Variants in EFCAB8 observed in about 807,000 individuals in gnomAD.
The protein encoded by EFCAB8 is EF-hand calcium-binding domain-containing protein 8.
A neutral mutation model predicts 116.3 loss-of-function variants in EFCAB8; 100 were observed. The observed-to-expected ratio is 0.86, with a 90% CI of 0.73 to 1.02. The LOEUF (loss-of-function observed/expected upper bound fraction) is 1.02. EFCAB8 is among the 50% of genes least tolerant of loss of function. The pLI, the probability that EFCAB8 is intolerant of heterozygous loss-of-function variation, is 0.00. For synonymous variants in EFCAB8, 558 were observed against 567.9 expected (o/e 0.98, Z 0.25); for missense variants, 1,320 against 1,416.9 (o/e 0.93, Z 1.10).
intron 23 of EFCAB8, among the ~76,000 whole-genome samples, chr20:32,952,552 C>A (rs1988833927): frequency 6.6e-6 from 1 of 152,138 alleles, no homozygotes; most frequent in Non-Finnish European, 1.5e-5. Context: ...TTGTTATTGG[C>A]CACTCATACA....
intron 5 of EFCAB8, among the ~76,000 whole-genome samples, chr20:32,883,488 C>G (rs531821413): frequency 3.3e-5 from 5 of 152,170 alleles, no homozygotes; most frequent in Admixed American, 3.3e-4. Context: ...TGTAGCATGT[C>G]CAGTTCATAT....
chr20:32,887,159 T>C (rs995833896), intron 6 of EFCAB8, among the ~76,000 whole-genome samples: 2 of 152,206 alleles, frequency 1.3e-5, no homozygotes, highest in African/African-American at 4.8e-5. Flanking sequence ...CTGCCTTCCC[T>C]ATCCCTTCTG....
chr20:32,932,100 C>T lies in EFCAB8; in HGVS notation c.2790+764C>T, dbSNP rs576678303. 5.3e-5 allele frequency among the ~76,000 whole-genome samples: 8 copies of T among 152,208 alleles called. No individual in the cohort carries two copies. In the South Asian group the frequency reaches 8.3e-4, roughly 16 times the overall value. On this transcript the variant is annotated intron_variant, in intron 22 of 26. Coordinates refer to ENST00000400522, the MANE Select transcript of EFCAB8 (RefSeq NM_001143967.2). ...TCTAAAAATTTATTCAGTGGTGGGCCGGGCACGGTGGCTCATGCCTGTAAT... is the reference window on the plus strand; with the variant it reads ...TCTAAAAATTTATTCAGTGGTGGGCTGGGCACGGTGGCTCATGCCTGTAAT...
chr20:32,920,828 A>G lies in EFCAB8; in HGVS notation c.2412+613A>G, dbSNP rs548523682. 3.3e-5 allele frequency among the ~76,000 whole-genome samples: 5 copies of G among 152,196 alleles called. No individual in the cohort carries two copies. In the South Asian group the frequency reaches 1.0e-3, roughly 32 times the overall value. On this transcript the variant is annotated intron_variant, in intron 20 of 26. Transcript: ENST00000400522. Reference sequence around the variant, plus strand: ...CAGTGTCCCCTCTGGATTGGGGGTAACAGTGTCCCCTCTGGGAGGGGAGGT... The same window carrying G: ...CAGTGTCCCCTCTGGATTGGGGGTAGCAGTGTCCCCTCTGGGAGGGGAGGT...
At chr20:32,935,824 G>T (rs1042673091) in intron 22 of EFCAB8, among the ~76,000 whole-genome samples, 1 of 151,946 alleles carries the variant, frequency 6.6e-6, no homozygotes. Context: ...TTCTAATTGG[G>T]TTATTCGTTT....
At chr20:32,949,029 A>T (rs1988715564) in intron 23 of EFCAB8, among the ~76,000 whole-genome samples, 2 of 152,218 alleles carry the variant, frequency 1.3e-5, no homozygotes, top group Non-Finnish European at 2.9e-5. Flanking sequence ...TTGGAAAGGA[A>T]GAAATAAAAC....
chr20:32,864,045 TG>T (rs1435477069), intron 2 of EFCAB8, among the ~76,000 whole-genome samples: 5 of 151,966 alleles, frequency 3.3e-5, no homozygotes, highest in Admixed American at 3.3e-4. Flanking sequence ...GGCATCATCT[TG>T]GCTCACTGAA....
At chr20:32,928,973 G>A (rs1310906455) in intron 20 of EFCAB8, among the ~76,000 whole-genome samples, 1 of 151,398 alleles carries the variant, frequency 6.6e-6, no homozygotes, top group Non-Finnish European at 1.5e-5. Context: ...TTTTGTGAAG[G>A]TGGTATATTT....
chr20:32,905,671 A>C (rs1168960123), intron 11 of EFCAB8, among the ~76,000 whole-genome samples: 1 of 144,280 alleles, frequency 6.9e-6, no homozygotes, highest in East Asian at 2.0e-4. Flanking sequence ...GAAGCAGGAG[A>C]ATCACTTGAA....
intron 22 of EFCAB8, among the ~76,000 whole-genome samples, chr20:32,942,788 C>T (rs1008215258): frequency 6.6e-6 from 1 of 151,912 alleles, no homozygotes; most frequent in Non-Finnish European, 1.5e-5. Context: ...AAATCTTCAA[C>T]GCATCTAGTA....
chr20:32,937,146 A>G (rs1988152409), intron 22 of EFCAB8, among the ~76,000 whole-genome samples: 1 of 151,826 alleles, frequency 6.6e-6, no homozygotes, highest in South Asian at 2.1e-4. Context: ...ATACCTGGCT[A>G]ATTTTGTATT....
Position 32,901,821 on chromosome 20 carries a change from G to C in EFCAB8, c.1088+3198G>C, listed in dbSNP as rs1364143189. Among the ~76,000 whole-genome samples, 4 of 152,184 alleles carry C rather than the reference G, an allele frequency of 2.6e-5. No individual in the cohort carries two copies. The East Asian group carries it at 7.7e-4, about 29-fold the overall frequency. On this transcript the variant is annotated intron_variant, in intron 11 of 26. Coordinates refer to ENST00000400522, the MANE Select transcript of EFCAB8 (RefSeq NM_001143967.2). The stretch of plus-strand genomic sequence containing the variant: ...TCCTGCCTCAGCCTCCCAAGTAGCT[G>C]GGATTACAGGCACGCGCCATCATGC...
At chr20:32,863,627 C>T (rs981597281) in intron 1 of EFCAB8, among the ~76,000 whole-genome samples, 156 bp from the exon 2 acceptor site, 4 of 152,206 alleles carry the variant, frequency 2.6e-5, no homozygotes, top group Admixed American at 1.3e-4. Flanking sequence ...AAGGAATGCT[C>T]ATCCACTGCT....
chr20:32,916,135 G>A (rs1987173921), intron 17 of EFCAB8, among the ~76,000 whole-genome samples: 1 of 152,224 alleles, frequency 6.6e-6, no homozygotes, highest in South Asian at 2.1e-4. Flanking sequence ...TATAGTTCTG[G>A]AGGAAGTTCT....
chr20:32,899,107 C>T lies in EFCAB8; in HGVS notation c.1088+484C>T, dbSNP rs150697115. ...TTCTTTTGAAAAACTAGTTAGTCAC[C>T]GGGCGCGGTGGCTCACGCCAGTAAT... On this transcript the variant is annotated intron_variant, in intron 11 of 26. Coordinates refer to ENST00000400522, the MANE Select transcript of EFCAB8 (RefSeq NM_001143967.2). 1.9e-3 allele frequency among the ~76,000 whole-genome samples: 283 copies of T among 152,172 alleles called. 1 individual carries two copies. Among genetic ancestry groups the T allele is most frequent in the African/African-American group, 6.5e-3 (272 of 41,528 alleles).
Position 32,961,608 on chromosome 20 carries a change from G to C in EFCAB8, c.3866G>C (p.Ter1289SerextTer67), listed in dbSNP as rs1022490723. The stretch of plus-strand genomic sequence containing the variant: ...AAGGGGAGCTCCCATGTCAGGTTCT[G>C]AGGTGCTCCGCTGTCTTCTCTAGTC... ...SVKGSSHVRF[*>S] Residue 1289 changes from the stop codon to serine, a stop_lost, in exon 27 of 27, where the codon TGA becomes TCA. Transcript: ENST00000400522. 7.5e-7 allele frequency: 1 copy of C among 1,328,256 alleles called. No homozygotes were observed. The highest frequency in any genetic ancestry group is 9.6e-7 in the Non-Finnish European group (1 of 1,039,098). 82.3% of individuals were successfully genotyped at this position (1,328,256 alleles called of 1,614,324 possible). A position where few individuals can be genotyped will look rare whatever the true frequency, so the allele number is the denominator to read the frequency against.
At chr20:32,879,679 A>G (rs1237110239) in intron 5 of EFCAB8, among the ~76,000 whole-genome samples, 4 of 152,184 alleles carry the variant, frequency 2.6e-5, no homozygotes, top group Non-Finnish European at 5.9e-5. Flanking sequence ...GCGATGAGCC[A>G]AGCGTAATAC....
chr20:32,929,030 T>G (rs1394297391), intron 20 of EFCAB8, among the ~76,000 whole-genome samples: 1 of 152,106 alleles, frequency 6.6e-6, no homozygotes, highest in African/African-American at 2.4e-5. Flanking sequence ...GGAATAAAAG[T>G]CACTTGGTCA....
At chr20:32,936,478 G>A (rs1419145586) in intron 22 of EFCAB8, among the ~76,000 whole-genome samples, 1 of 152,052 alleles carries the variant, frequency 6.6e-6, no homozygotes, top group Non-Finnish European at 1.5e-5. Flanking sequence ...TCCATTTTGA[G>A]TTGATTTTTT....
Sources: allele counts gnomAD v4.1 joint callset (sites outside exome capture counted in the v4.1 genomes callset), GRCh38; gene constraint gnomAD v4.1.1; transcripts MANE v1.5; gene names NCBI Gene and HGNC (gene_info 2026-07-23, HGNC 2026-07-21).